UNC13C: variants seen among roughly 807,000 people sequenced by gnomAD.
The protein encoded by UNC13C is protein unc-13 homolog C.
In UNC13C, 174 loss-of-function variants were observed where a neutral mutation model predicts 245.4. The observed-to-expected ratio is 0.71, with a 90% CI of 0.63 to 0.80. The LOEUF (loss-of-function observed/expected upper bound fraction) is 0.80. UNC13C is among the 30% of genes least tolerant of loss of function. The pLI, the probability that UNC13C is intolerant of heterozygous loss-of-function variation, is 0.00. For synonymous variants in UNC13C, 992 were observed against 895.1 expected (o/e 1.11, Z -1.93); for missense variants, 2,829 against 2,602.9 (o/e 1.09, Z -1.89).
intron 13 of UNC13C, among the ~76,000 whole-genome samples, chr15:54,302,837 C>T (rs2037623272): frequency 6.6e-6 from 1 of 152,074 alleles, no homozygotes; most frequent in South Asian, 2.1e-4. Flanking sequence ...ATGAAGCATA[C>T]TTCCCAAAGT....
chr15:54,590,607 G>T (rs184220469), intron 30 of UNC13C, among the ~76,000 whole-genome samples: 4 of 152,116 alleles, frequency 2.6e-5, no homozygotes, highest in African/African-American at 7.2e-5. Flanking sequence ...TGCTGTTGGC[G>T]TATAGAAGAG....
At chr15:54,203,825 T>C (rs2034614672) in intron 4 of UNC13C, among the ~76,000 whole-genome samples, 7 of 71,088 alleles carry the variant, frequency 9.8e-5, no homozygotes, top group Admixed American at 9.8e-4. Flanking sequence ...TATATACGTG[T>C]ATGTATATAC....
chr15:53,953,693 C>T, the UNC13C span, among the ~76,000 whole-genome samples: 1 of 152,204 alleles, frequency 6.6e-6, no homozygotes, highest in Admixed American at 6.5e-5. Flanking sequence ...TTACATATGC[C>T]AGCACATTAG....
chr15:54,181,782 T>A (rs556080499), intron 4 of UNC13C, among the ~76,000 whole-genome samples: 220 of 151,710 alleles, frequency 1.5e-3, no homozygotes, highest in African/African-American at 4.3e-3. Context: ...TTAAAAAAAT[T>A]TTTTTATGGC....
At chr15:54,324,204 C>G (rs1408368297) in intron 14 of UNC13C, among the ~76,000 whole-genome samples, 1 of 151,878 alleles carries the variant, frequency 6.6e-6, no homozygotes, top group Non-Finnish European at 1.5e-5. Context: ...TCAAATATAC[C>G]TAAGTATATC....
intron 10 of UNC13C, among the ~76,000 whole-genome samples, chr15:54,268,798 T>G (rs1435995833): frequency 4.1e-4 from 63 of 152,258 alleles, no homozygotes; most frequent in Non-Finnish European, 1.2e-4. Flanking sequence ...TGTTGGGCAC[T>G]ATTGCATCAA....
In UNC13C at chr15:54,320,037, G is replaced by A. The variant is rs147435299; in HGVS notation, c.4269-1902G>A. Among the ~76,000 whole-genome samples the A allele has an allele frequency of 2.5e-3, 384 of 151,998 alleles. 2 individuals are homozygous for A. Among genetic ancestry groups the A allele is most frequent in the Non-Finnish European group, 3.5e-3 (240 of 67,912 alleles). ...TCATCTGTTTGCCTAATTAAATCTTGTCTGTAACAAAGTGCTTAGAAAAGA... is the reference window on the plus strand; with the variant it reads ...TCATCTGTTTGCCTAATTAAATCTTATCTGTAACAAAGTGCTTAGAAAAGA... On this transcript the variant is annotated intron_variant, in intron 13 of 32. Coordinates refer to ENST00000260323, the MANE Select transcript of UNC13C (RefSeq NM_001080534.3).
chr15:53,855,506 G>C, the UNC13C span, among the ~76,000 whole-genome samples: 1 of 152,210 alleles, frequency 6.6e-6, no homozygotes, highest in South Asian at 2.1e-4. Flanking sequence ...TAAAATGAAA[G>C]GATGTTGAGT....
intron 17 of UNC13C, among the ~76,000 whole-genome samples, chr15:54,387,626 C>G (rs2039866486): frequency 6.6e-6 from 1 of 152,068 alleles, no homozygotes; most frequent in Admixed American, 6.6e-5. Context: ...TTTTTCTAAC[C>G]TATGAACTTC....
chr15:54,245,060 A>G (rs1438084682), intron 7 of UNC13C, among the ~76,000 whole-genome samples: 2 of 152,120 alleles, frequency 1.3e-5, no homozygotes, highest in African/African-American at 4.8e-5. Flanking sequence ...GACTCATAAG[A>G]ATGCAGTCTC....
At position 54,037,359 on chromosome 15, in the gene UNC13C, A is replaced by G. The variant is rs150046861; in HGVS notation, c.2983+21473A>G. Among the ~76,000 whole-genome samples, 497 of 152,196 alleles carry G rather than the reference A, an allele frequency of 3.3e-3. 1 individual carries two copies. The highest frequency in any genetic ancestry group is 0.012 in the African/African-American group (479 of 41,516). On this transcript the variant is annotated intron_variant, in intron 2 of 32. Coordinates refer to ENST00000260323, the MANE Select transcript of UNC13C (RefSeq NM_001080534.3). ...AATGTGCCGTGGGCAAATAGTTTAA[A>G]CCGTCTGTTCCCTACCTTCTACAGC...
At chr15:54,565,562 T>G (rs767911367) in intron 29 of UNC13C, among the ~76,000 whole-genome samples, 30 of 152,010 alleles carry the variant, frequency 2.0e-4, no homozygotes, top group Non-Finnish European at 4.0e-4. Context: ...TTATAAAATG[T>G]GTCAAAATGT....
intron 26 of UNC13C, among the ~76,000 whole-genome samples, chr15:54,535,048 G>T (rs934314537): frequency 1.3e-5 from 2 of 152,004 alleles, no homozygotes; most frequent in South Asian, 2.1e-4. Flanking sequence ...GGATAAAATC[G>T]CACATATCAA....
In UNC13C at chr15:54,338,551, G is replaced by A. The variant is rs544675270; in HGVS notation, c.4713+62G>A. On this transcript the variant is annotated intron_variant, in intron 17 of 32. Transcript: ENST00000260323. The stretch of plus-strand genomic sequence containing the variant: ...TTGTTTCTAGTATCTGTTTCCATAA[G>A]TTTAGCATAATAGTAAATAGAAAAG... 157 of 1,564,052 alleles carry A rather than the reference G, an allele frequency of 1.0e-4. No homozygotes were observed. The African/African-American group carries it at 1.8e-3, about 18-fold the overall frequency.
chr15:54,349,971 A>G (rs1462691700), intron 17 of UNC13C, among the ~76,000 whole-genome samples: 3 of 152,186 alleles, frequency 2.0e-5, no homozygotes, highest in Non-Finnish European at 2.9e-5. Flanking sequence ...ATAATGTTGT[A>G]TATTAGCACA....
chr15:54,019,066 C>G (rs1895784688), intron 2 of UNC13C, among the ~76,000 whole-genome samples: 1 of 152,170 alleles, frequency 6.6e-6, no homozygotes, highest in Non-Finnish European at 1.5e-5. Flanking sequence ...TAGGCCCTTT[C>G]CAGGCTGTTT....
At chr15:54,521,853 T>G (rs1047693145) in intron 24 of UNC13C, among the ~76,000 whole-genome samples, 11 of 152,252 alleles carry the variant, frequency 7.2e-5, no homozygotes, top group Non-Finnish European at 1.5e-4. Context: ...GAGGGAATTT[T>G]TATGCTTCTG....
At chr15:54,186,856 T>TATATATA (rs1567079918) in intron 4 of UNC13C, among the ~76,000 whole-genome samples, 7 of 120,182 alleles carry the variant, frequency 5.8e-5, no homozygotes, top group Admixed American at 1.5e-4. Flanking sequence ...TATATATATA[T>TATATATA]TTTGTTTTTT....
At chr15:54,426,562 G>A (rs2040763569) in intron 19 of UNC13C, among the ~76,000 whole-genome samples, 1 of 151,508 alleles carries the variant, frequency 6.6e-6, no homozygotes, top group African/African-American at 2.4e-5. Flanking sequence ...AACTTTTGTT[G>A]TATTTTAGTC....
Sources: allele counts gnomAD v4.1 joint callset (sites outside exome capture counted in the v4.1 genomes callset), GRCh38; gene constraint gnomAD v4.1.1; transcripts MANE v1.5; gene names NCBI Gene and HGNC (gene_info 2026-07-23, HGNC 2026-07-21).